DAP3: variants seen among roughly 807,000 people sequenced by gnomAD.
The protein encoded by DAP3 is small ribosomal subunit protein mS29.
Under a neutral mutation model 51.9 loss-of-function variants are expected in DAP3, and 28 were observed. The ratio of observed to expected loss-of-function variants is 0.54; its 90% CI spans 0.40 to 0.74. The LOEUF is 0.74. Among genes scored for constraint, DAP3 ranks in the 30% least tolerant of loss-of-function variants. DAP3 has a pLI of 0.00. For missense variants in DAP3, 458 were observed against 483.5 expected (o/e 0.95, Z 0.49); for synonymous variants, 170 against 170.3 (o/e 1.00, Z 0.01).
At chr1:155,689,014 C>G (rs1308078179), upstream of DAP3, 36 of 1,587,628 alleles carry the variant, frequency 2.3e-5, no homozygotes, top group Non-Finnish European at 3.0e-5. Context: ...GCCTAGCGCC[C>G]CTCTGCCGGC....
At chr1:155,728,232 T>A (rs1658813967) in intron 7 of DAP3, among the ~76,000 whole-genome samples, 2 of 152,056 alleles carry the variant, frequency 1.3e-5, no homozygotes, top group Admixed American at 1.3e-4. Flanking sequence ...CCCTTATGTA[T>A]GTTTATTCAA....
chr1:155,721,335 AAAT>A (rs1227628097), intron 3 of DAP3, among the ~76,000 whole-genome samples, 179 bp from the exon 4 acceptor site: 1 of 148,032 alleles, frequency 6.8e-6, no homozygotes, highest in African/African-American at 2.6e-5. Context: ...TCCATTTTAA[AAAT>A]AATATATATA....
chr1:155,700,710 C>T (rs1315706957), intron 1 of DAP3, among the ~76,000 whole-genome samples: 6 of 142,500 alleles, frequency 4.2e-5, no homozygotes, highest in African/African-American at 7.8e-5. Context: ...GTCAGCCCCC[C>T]AACCCGGCCA....
intron 1 of DAP3, among the ~76,000 whole-genome samples, chr1:155,692,212 C>G (rs1653914136): frequency 1.4e-5 from 2 of 141,464 alleles, no homozygotes; most frequent in Non-Finnish European, 2.9e-5. Context: ...TTCTTGAGCA[C>G]AGTGTTTATA....
chr1:155,729,472 G>A (rs1338655055), intron 9 of DAP3, 106 bp downstream of exon 9: 7 of 1,424,756 alleles, frequency 4.9e-6, no homozygotes, highest in East Asian at 2.3e-5. Flanking sequence ...TCTTGCCCTA[G>A]GAATATTTGA....
intron 4 of DAP3, among the ~76,000 whole-genome samples, chr1:155,724,977 T>A (rs540605049): frequency 3.0e-4 from 46 of 151,610 alleles, no homozygotes; most frequent in African/African-American, 1.1e-3. Flanking sequence ...AGAAAAAAAA[T>A]TTAAAGAGTT....
At position 155,708,348 on chromosome 1, in the gene DAP3, A is replaced by T. The variant is rs556741282; in HGVS notation, c.-7-1425A>T. 5.3e-5 allele frequency among the ~76,000 whole-genome samples: 8 copies of T among 151,840 alleles called. No individual in the cohort carries two copies. In the East Asian group the frequency reaches 1.6e-3, roughly 29 times the overall value. On this transcript the variant is annotated intron_variant, in intron 1 of 12. Coordinates refer to ENST00000368336, the MANE Select transcript of DAP3 (RefSeq NM_004632.4). ...ACAGGCTTGAGCCACCACACTTTCA[A>T]CTTTTTGTTTGTACATTTTCAACTT... is the stretch of plus-strand genomic sequence containing the variant.
intron 2 of DAP3, among the ~76,000 whole-genome samples, chr1:155,714,931 G>C (rs1405067083): frequency 2.0e-5 from 3 of 150,836 alleles, no homozygotes; most frequent in African/African-American, 7.3e-5. Context: ...GGCTGGGCAC[G>C]GTGGCTCACG....
In DAP3 at chr1:155,721,628, A is replaced by G. The variant is rs772308093; in HGVS notation, c.270+10A>G. 1.2e-6 allele frequency: 2 copies of G among 1,613,926 alleles called. No individual in the cohort carries two copies. The highest frequency in any genetic ancestry group is 2.2e-5 in the East Asian group (1 of 44,882). The stretch of plus-strand genomic sequence containing the variant: ...TCGCTTTGTGATGCAGGTGCTCAAG[A>G]CAGGGAATGGAATTGGAGGGAGCCC... On this transcript the variant is annotated intron_variant, in intron 4 of 12. Transcript: ENST00000368336.
At chr1:155,716,955 A>T in intron 2 of DAP3, 51 bp from the exon 3 acceptor site, 7 of 1,579,502 alleles carry the variant, frequency 4.4e-6, no homozygotes, top group Non-Finnish European at 6.0e-6. Flanking sequence ...TCTCAAAAAA[A>T]AAAAAAAAAA....
At chr1:155,708,855 C>T (rs1656337418) in intron 1 of DAP3, among the ~76,000 whole-genome samples, 1 of 151,934 alleles carries the variant, frequency 6.6e-6, no homozygotes, top group Admixed American at 6.6e-5. Flanking sequence ...CAGGCGCCCA[C>T]CACCACACCT....
At chr1:155,708,209 AG>A (rs1656236390) in intron 1 of DAP3, among the ~76,000 whole-genome samples, 2 of 151,950 alleles carry the variant, frequency 1.3e-5, no homozygotes, top group Admixed American at 1.3e-4. Flanking sequence ...CACCACGCCC[AG>A]CTAATTTTTT....
upstream of DAP3, chr1:155,688,054 C>A (rs201163853): frequency 4.5e-4 from 702 of 1,558,774 alleles, 2 homozygotes; most frequent in East Asian, 0.015. Flanking sequence ...AATGCCGGCC[C>A]AAATCGTTCT....
intron 1 of DAP3, among the ~76,000 whole-genome samples, chr1:155,705,017 T>C (rs776883360): frequency 6.6e-6 from 1 of 151,974 alleles, no homozygotes; most frequent in African/African-American, 2.4e-5. Context: ...TAAGGCCAAG[T>C]GCGATGGCTC....
intron 2 of DAP3, among the ~76,000 whole-genome samples, chr1:155,714,818 G>GTT (rs1657136484): frequency 1.3e-5 from 2 of 152,274 alleles, no homozygotes; most frequent in Non-Finnish European, 2.9e-5. Flanking sequence ...TAGTGGGAAT[G>GTT]TTAGACACAT....
At position 155,706,348 on chromosome 1, in the gene DAP3, G is replaced by T. The variant is rs576274978; in HGVS notation, c.-7-3425G>T. Among the ~76,000 whole-genome samples, 12 of 152,298 alleles carry T rather than the reference G, an allele frequency of 7.9e-5. No homozygotes were observed. In the East Asian group the frequency reaches 2.3e-3, roughly 29 times the overall value. On this transcript the variant is annotated intron_variant, in intron 1 of 12. Transcript: ENST00000368336. ...TGTACTATAAATTCCTTGACTATAA[G>T]ATCAGGGACTATAATAGTTTGTTCA...
chr1:155,704,642 A>G (rs1024247471), intron 1 of DAP3, among the ~76,000 whole-genome samples: 2 of 152,170 alleles, frequency 1.3e-5, no homozygotes, highest in Non-Finnish European at 2.9e-5. Context: ...GAAGCATGTC[A>G]TATGCTTCTT....
At chr1:155,727,482 A>AAAAAG in intron 6 of DAP3, 126 bp from the exon 7 acceptor site, 2 of 1,069,472 alleles carry the variant, frequency 1.9e-6, no homozygotes, top group Non-Finnish European at 2.5e-6. Flanking sequence ...AAAAAAAAAA[A>AAAAAG]AAAAGAAAAG....
intron 2 of DAP3, among the ~76,000 whole-genome samples, chr1:155,711,497 GA>G (rs944459796): frequency 9.6e-4 from 136 of 141,594 alleles, no homozygotes; most frequent in East Asian, 4.5e-3. Flanking sequence ...CATCTCAAAA[GA>G]AAAAAAAAAA....
Sources: gnomAD v4.1 joint callset for allele counts (sites outside exome capture counted in the v4.1 genomes callset) on GRCh38, gnomAD v4.1.1 for gene constraint, MANE v1.5 for transcripts, NCBI Gene and HGNC (gene_info 2026-07-23, HGNC 2026-07-21) for gene names.